GPHN: variants seen among roughly 807,000 people sequenced by gnomAD.
GPHN encodes gephyrin.
Under a neutral mutation model 95.5 loss-of-function variants are expected in GPHN, and 17 were observed. The observed-to-expected ratio is 0.18, with a 90% CI of 0.12 to 0.27. The LOEUF is 0.27. GPHN is among the 10% of genes least tolerant of loss of function. The pLI is 1.00. For missense variants in GPHN, 660 were observed against 978.1 expected (o/e 0.67, Z 4.34); for synonymous variants, 320 against 322.5 (o/e 0.99, Z 0.08).
the GPHN span, chr14:67,685,316 C>A: frequency 1.0e-5 from 8 of 767,294 alleles, no homozygotes; most frequent in Admixed American, 2.3e-4. Context: ...GACTCTTTTG[C>A]CCATGGTGAC....
chr14:66,907,702 G>A (rs1168634699), intron 5 of GPHN, among the ~76,000 whole-genome samples: 1 of 152,146 alleles, frequency 6.6e-6, no homozygotes, highest in South Asian at 2.1e-4. Context: ...TTGGATATGA[G>A]TGGAGTCTGT....
the GPHN span, among the ~76,000 whole-genome samples, chr14:67,439,779 G>T: frequency 6.6e-6 from 1 of 151,992 alleles, no homozygotes; most frequent in African/African-American, 2.4e-5. Context: ...TTGAGGTTTT[G>T]TTCTTTATGC....
chr14:67,427,647 C>T, the GPHN span, among the ~76,000 whole-genome samples: 5 of 152,316 alleles, frequency 3.3e-5, no homozygotes, highest in Non-Finnish European at 5.9e-5. Context: ...TACTAAATAC[C>T]ACCTACTCTG....
At chr14:66,823,849 C>T (rs1056319835) in intron 3 of GPHN, among the ~76,000 whole-genome samples, 8 of 151,944 alleles carry the variant, frequency 5.3e-5, no homozygotes, top group Non-Finnish European at 7.4e-5. Context: ...ATTATAAAAA[C>T]GTAATGAAAC....
chr14:67,105,425 G>A (rs2153682264), intron 13 of GPHN, among the ~76,000 whole-genome samples: 1 of 152,226 alleles, frequency 6.6e-6, no homozygotes, highest in East Asian at 1.9e-4. Context: ...AATGCTGAGA[G>A]TAGGGTGTCA....
At chr14:66,576,119 C>T (rs1001613160) in intron 1 of GPHN, among the ~76,000 whole-genome samples, 8 of 151,932 alleles carry the variant, frequency 5.3e-5, no homozygotes, top group African/African-American at 1.9e-4. Flanking sequence ...GCTTCAGGGG[C>T]CAGTTTGGAG....
chr14:67,265,273 A>G, the GPHN span, among the ~76,000 whole-genome samples: 2 of 152,212 alleles, frequency 1.3e-5, no homozygotes, highest in African/African-American at 4.8e-5. Context: ...CAGTAAACCC[A>G]GAGCCTGGGC....
At chr14:66,898,247 G>GT (rs1473810491) in intron 5 of GPHN, among the ~76,000 whole-genome samples, 1 of 151,542 alleles carries the variant, frequency 6.6e-6, no homozygotes, top group Non-Finnish European at 1.5e-5. Context: ...TAGCAGTTGT[G>GT]TTTTTTTGAT....
At chr14:67,266,829 G>A in the GPHN span, among the ~76,000 whole-genome samples, 1 of 152,016 alleles carries the variant, frequency 6.6e-6, no homozygotes, top group Non-Finnish European at 1.5e-5. Flanking sequence ...TCGTTTCTTG[G>A]CTGGGCACAG....
At chr14:67,646,531 T>C in the GPHN span, 1 of 810,064 alleles carries the variant, frequency 1.2e-6, no homozygotes, top group South Asian at 1.6e-5. Context: ...TGCTCTAAAC[T>C]TACCCTGTGG....
At chr14:66,510,214 T>TACA (rs1458554812) in intron 1 of GPHN, among the ~76,000 whole-genome samples, 1 of 152,216 alleles carries the variant, frequency 6.6e-6, no homozygotes, top group Non-Finnish European at 1.5e-5. Flanking sequence ...AAAGTGTATA[T>TACA]CTTTTATCTA....
At chr14:66,760,234 A>G (rs1262592802) in intron 2 of GPHN, among the ~76,000 whole-genome samples, 1 of 152,220 alleles carries the variant, frequency 6.6e-6, no homozygotes, top group African/African-American at 2.4e-5. Flanking sequence ...TTCTCAGTGA[A>G]TATTCAGTGA....
At chr14:67,717,601 C>T in the GPHN span, among the ~76,000 whole-genome samples, 59 of 152,298 alleles carry the variant, frequency 3.9e-4, 1 homozygote, top group African/African-American at 1.3e-3. Context: ...GGTTCCCAAA[C>T]GGGGGTGATT....
chr14:66,952,646 A>G (rs1211839263), intron 8 of GPHN, among the ~76,000 whole-genome samples: 1 of 152,138 alleles, frequency 6.6e-6, no homozygotes, highest in Non-Finnish European at 1.5e-5. Context: ...CCCAACAGCA[A>G]TGTATGAGGG....
chr14:67,651,044 T>C, the GPHN span: 9 of 1,123,180 alleles, frequency 8.0e-6, no homozygotes, highest in East Asian at 1.0e-4. Flanking sequence ...TTACACATTC[T>C]CACAATTGTA....
the GPHN span, among the ~76,000 whole-genome samples, chr14:67,390,394 A>G: frequency 6.6e-6 from 1 of 152,180 alleles, no homozygotes. Context: ...GGGGAAGACC[A>G]AAAGATGCTT....
At chr14:66,580,195 T>C (rs1426535658) in intron 1 of GPHN, among the ~76,000 whole-genome samples, 3 of 151,792 alleles carry the variant, frequency 2.0e-5, no homozygotes, top group Non-Finnish European at 4.4e-5. Context: ...ACTCAACATA[T>C]CAATTTGTAT....
chr14:67,592,404 C>T, the GPHN span: 2 of 497,786 alleles, frequency 4.0e-6, no homozygotes, highest in Non-Finnish European at 7.2e-6. Context: ...TGTCACTGCA[C>T]TCCAGCCTAG....
At chr14:66,827,245 T>C (rs904056699) in intron 4 of GPHN, among the ~76,000 whole-genome samples, 6 of 151,472 alleles carry the variant, frequency 4.0e-5, no homozygotes, top group Admixed American at 2.6e-4. Context: ...GATCACAACA[T>C]TGCACTCCAG....
Sources: allele counts gnomAD v4.1 joint callset (sites outside exome capture counted in the v4.1 genomes callset), GRCh38; gene constraint gnomAD v4.1.1; transcripts MANE v1.5; gene names NCBI Gene and HGNC (gene_info 2026-07-23, HGNC 2026-07-21).